The following CDC42BPB variants were observed in gnomAD, a reference collection of about 807,000 sequenced individuals.
CDC42BPB encodes the protein serine/threonine-protein kinase MRCK beta.
Under a neutral mutation model 214.9 loss-of-function variants are expected in CDC42BPB, and 37 were observed. That is an observed-to-expected ratio of 0.17 (90% CI 0.13 to 0.23). The LOEUF (loss-of-function observed/expected upper bound fraction) is 0.23, where lower values mean the gene tolerates loss of function less well. Ranked by LOEUF, CDC42BPB falls within the 10% of genes least tolerant of loss-of-function variation. The pLI, the probability that CDC42BPB is intolerant of heterozygous loss-of-function variation, is 1.00. For missense variants in CDC42BPB, 1,694 were observed against 2,227.0 expected (o/e 0.76, Z 4.82); for synonymous variants, 931 against 884.0 (o/e 1.05, Z -0.94).
chr14:103,014,922 C>T (rs1290548568), intron 1 of CDC42BPB, among the ~76,000 whole-genome samples: 1 of 152,174 alleles, frequency 6.6e-6, no homozygotes, highest in African/African-American at 2.4e-5. Context: ...CAGTTCGCAC[C>T]AAGGCTGTGC....
At chr14:102,977,720 T>C (rs926292854) in intron 9 of CDC42BPB, among the ~76,000 whole-genome samples, 4 of 152,188 alleles carry the variant, frequency 2.6e-5, no homozygotes, top group African/African-American at 9.7e-5. Flanking sequence ...GCTGGCGGCC[T>C]ATTGGTCAGG....
intron 4 of CDC42BPB, among the ~76,000 whole-genome samples, chr14:103,003,296 G>A (rs1338342566): frequency 2.0e-5 from 3 of 152,208 alleles, no homozygotes; most frequent in Non-Finnish European, 2.9e-5. Flanking sequence ...GTCACTCAGC[G>A]GCCAAGACCA....
intron 5 of CDC42BPB, among the ~76,000 whole-genome samples, chr14:102,993,362 T>C (rs1021723965): frequency 1.3e-5 from 2 of 152,196 alleles, no homozygotes; most frequent in South Asian, 2.1e-4. Flanking sequence ...GGGTTCTCAA[T>C]GAGCCGCTCC....
chr14:103,007,416 C>G (rs1180974953), intron 3 of CDC42BPB, among the ~76,000 whole-genome samples: 3 of 152,128 alleles, frequency 2.0e-5, no homozygotes, highest in African/African-American at 7.2e-5. Flanking sequence ...TGTTGTCGGC[C>G]CAAGGTGGCA....
rs1209532969 is a variant in CDC42BPB, at chr14:102,952,566, C to G, written c.3104G>C (p.Ser1035Thr). The change falls in exon 24 of 37, where the codon AGC (serine) becomes ACC (threonine). Residue 1035 changes from serine (S) to threonine (T), a missense_variant. By Grantham distance (58) the Ser-to-Thr change is moderately conservative. This residue lies in a region of CDC42BPB where 567 missense variants were observed against 790.3 expected (regional missense o/e 0.72). Transcript: ENST00000361246. ...GGTGCAGTGGCTGCACTGAGTAGGG[C>G]TGGAGAAGGACTTGATGCTGAACTG... Reference protein sequence around the residue: ...AHQFSIKSFSSPTQCSHCTSL... With the variant: ...AHQFSIKSFSTPTQCSHCTSL... 4 of 1,614,044 alleles carry G rather than the reference C, an allele frequency of 2.5e-6. No homozygotes were observed. Among genetic ancestry groups the G allele is most frequent in the Non-Finnish European group, 3.4e-6 (4 of 1,179,958 alleles).
At chr14:102,972,813 T>C (rs1188470836) in intron 12 of CDC42BPB, among the ~76,000 whole-genome samples, 5 of 146,350 alleles carry the variant, frequency 3.4e-5, no homozygotes, top group Non-Finnish European at 5.9e-5. Flanking sequence ...CTGCCCAGTG[T>C]CACCTGCACA....
chr14:102,988,430 C>G (rs61675124), intron 5 of CDC42BPB, among the ~76,000 whole-genome samples: 1 of 151,348 alleles, frequency 6.6e-6, no homozygotes, highest in African/African-American at 2.4e-5. Flanking sequence ...TCAATGTCCT[C>G]TTTTTTGAAG....
chr14:102,996,747 G>A (rs1894754221), intron 5 of CDC42BPB, among the ~76,000 whole-genome samples: 1 of 143,526 alleles, frequency 7.0e-6, no homozygotes, highest in South Asian at 2.3e-4. Flanking sequence ...GGGAGGTGGA[G>A]ATTATAGTGA....
At chr14:103,052,745 G>A (rs956328302) in intron 1 of CDC42BPB, among the ~76,000 whole-genome samples, 9 of 152,220 alleles carry the variant, frequency 5.9e-5, no homozygotes, top group African/African-American at 2.2e-4. Flanking sequence ...CCAGCATCAA[G>A]CCTGAGGCCT....
intron 21 of CDC42BPB, among the ~76,000 whole-genome samples, chr14:102,957,622 C>G (rs1446839979): frequency 6.6e-6 from 1 of 152,214 alleles, no homozygotes; most frequent in Non-Finnish European, 1.5e-5. Flanking sequence ...ACAAGCATTG[C>G]CAGTTTGATA....
chr14:103,038,694 T>TTTTTCTA (rs1453505611), intron 1 of CDC42BPB, among the ~76,000 whole-genome samples: 1 of 120,926 alleles, frequency 8.3e-6, no homozygotes, highest in African/African-American at 3.4e-5. Flanking sequence ...GCCCAGCTAA[T>TTTTTCTA]TTTTCTATTT....
intron 30 of CDC42BPB, among the ~76,000 whole-genome samples, chr14:102,941,951 G>A (rs1194112088): frequency 6.6e-6 from 1 of 152,248 alleles, no homozygotes; most frequent in African/African-American, 2.4e-5. Context: ...TGTGCCCGCA[G>A]GAGAGAAGAC....
chr14:102,990,040 C>T (rs80103678), intron 5 of CDC42BPB, among the ~76,000 whole-genome samples: 6,138 of 152,054 alleles, frequency 0.04, 420 homozygotes, highest in African/African-American at 0.14. Context: ...GGGTTGCCAG[C>T]GGAGGTGGGC....
intron 1 of CDC42BPB, among the ~76,000 whole-genome samples, chr14:103,049,570 G>C (rs1266913741): frequency 6.6e-6 from 1 of 152,256 alleles, no homozygotes; most frequent in East Asian, 1.9e-4. Context: ...GCAAGCGACT[G>C]GTAGAGGGAC....
At chr14:102,999,439 G>A in intron 5 of CDC42BPB, 126 bp downstream of exon 5, 3 of 828,652 alleles carry the variant, frequency 3.6e-6, no homozygotes, top group East Asian at 2.5e-5. Context: ...AGTCTGTGCT[G>A]CGGCAGCTCA....
rs1566874246 is a variant in CDC42BPB at position 102,975,946 on chromosome 14, C to G, written c.1324G>C (p.Ala442Pro). 1 of 1,614,218 alleles carries G rather than the reference C, an allele frequency of 6.2e-7. No homozygotes were observed. Among genetic ancestry groups the G allele is most frequent in the Middle Eastern group, 1.6e-4 (1 of 6,062 alleles). ...AGCCTCCGAATCCTCCTCTCGTAAG[C>G]TTCCATCTGCAGGCTGTGCTCCAGG... ...RDLEHSLQME[A>P]YERRIRRLEQ... The change falls in exon 10 of 37, where the codon GCT becomes CCT. Residue 442 changes from alanine to proline, a missense_variant. Coordinates refer to ENST00000361246, the MANE Select transcript of CDC42BPB (RefSeq NM_006035.4).
At chr14:103,017,154 T>G (rs537497812) in intron 1 of CDC42BPB, among the ~76,000 whole-genome samples, 1 of 152,134 alleles carries the variant, frequency 6.6e-6, no homozygotes, top group South Asian at 2.1e-4. Flanking sequence ...AGACTCTATC[T>G]CTACAAAAAA....
In CDC42BPB at chr14:102,972,235, T is replaced by C. The variant is rs558120007; in HGVS notation, c.1642-74A>G. 40 of 1,578,824 alleles carry C rather than the reference T, an allele frequency of 2.5e-5. No individual in the cohort carries two copies. In the South Asian group the frequency reaches 3.6e-4, roughly 14 times the overall value. On this transcript the variant is annotated intron_variant, in intron 12 of 36. Transcript: ENST00000361246. Reference sequence around the variant, plus strand: ...GGAAGGCTGGAGGTTCGGTCTTCCATGATATTGAGGAGTTAAAAGCGACAG... The same window carrying C: ...GGAAGGCTGGAGGTTCGGTCTTCCACGATATTGAGGAGTTAAAAGCGACAG...
At position 103,057,355 on chromosome 14, in the gene CDC42BPB, C is replaced by T; in HGVS notation, c.-182G>A. ...CATCTTGGGCTCCGTCCCGACGGCG[C>T]AGAGTCTGGGGCGCCGGGCCCCGCG... On this transcript the variant is annotated 5_prime_UTR_variant, in exon 1 of 37. Transcript: ENST00000361246. 9.8e-7 allele frequency: 1 copy of T among 1,016,134 alleles called. No individual in the cohort carries two copies. The highest frequency in any genetic ancestry group is 1.2e-6 in the Non-Finnish European group (1 of 851,432). The allele number at this position is 1,016,134 out of a possible 1,614,324, so 62.9% of individuals were successfully genotyped here. A position where few individuals can be genotyped will look rare whatever the true frequency, so the allele number is the denominator to read the frequency against.
Sources: allele counts gnomAD v4.1 joint callset (sites outside exome capture counted in the v4.1 genomes callset), GRCh38; gene constraint gnomAD v4.1.1; regional missense constraint gnomAD v4.1.1; transcripts MANE v1.5; gene names NCBI Gene and HGNC (gene_info 2026-07-23, HGNC 2026-07-21).